Variants in LRBA observed in about 807,000 individuals in gnomAD.
LRBA encodes the protein lipopolysaccharide-responsive and beige-like anchor protein.
In LRBA, 176 loss-of-function variants were observed where a neutral mutation model predicts 330.0. The ratio of observed to expected loss-of-function variants is 0.53; its 90% CI spans 0.47 to 0.60. The LOEUF (loss-of-function observed/expected upper bound fraction) is 0.60, where lower values mean the gene tolerates loss of function less well. Ranked by LOEUF, LRBA falls within the 20% of genes least tolerant of loss-of-function variation. LRBA has a pLI of 0.00. For missense variants in LRBA, 3,259 were observed against 3,444.8 expected (o/e 0.95, Z 1.35); for synonymous variants, 1,230 against 1,193.0 (o/e 1.03, Z -0.64).
chr4:150,496,242 G>A (rs964294162), intron 40 of LRBA, among the ~76,000 whole-genome samples: 2 of 151,848 alleles, frequency 1.3e-5, no homozygotes, highest in Non-Finnish European at 2.9e-5. Flanking sequence ...TCACTTTGTT[G>A]CACTTATTCT....
chr4:150,942,597 G>A (rs1735797311), intron 2 of LRBA, among the ~76,000 whole-genome samples: 1 of 151,832 alleles, frequency 6.6e-6, no homozygotes, highest in Admixed American at 6.6e-5. Context: ...CTATATTCTG[G>A]GTCTTTCACT....
chr4:150,433,948 T>C (rs11099763), intron 46 of LRBA, among the ~76,000 whole-genome samples: 93,182 of 151,914 alleles, frequency 0.61, 31,597 homozygotes, highest in Non-Finnish European at 0.75. Context: ...TAATAAAGTA[T>C]CTTTCACATA....
chr4:150,758,285 C>T (rs1275819303), intron 35 of LRBA, among the ~76,000 whole-genome samples: 1 of 152,152 alleles, frequency 6.6e-6, no homozygotes, highest in Non-Finnish European at 1.5e-5. Flanking sequence ...TAAATGAAGA[C>T]ACTATTTCTA....
At chr4:150,477,634 C>A (rs1756862148) in intron 42 of LRBA, among the ~76,000 whole-genome samples, 4 of 151,956 alleles carry the variant, frequency 2.6e-5, no homozygotes, top group Admixed American at 2.6e-4. Context: ...CAAATTGTAA[C>A]CCCCAGTGTT....
chr4:150,950,237 T>C (rs1736683758), intron 2 of LRBA, among the ~76,000 whole-genome samples: 1 of 152,208 alleles, frequency 6.6e-6, no homozygotes, highest in African/African-American at 2.4e-5. Flanking sequence ...TCTCTCACTA[T>C]GTGACAACCA....
intron 48 of LRBA, among the ~76,000 whole-genome samples, chr4:150,348,670 A>G (rs1736735127): frequency 6.6e-6 from 1 of 152,212 alleles, no homozygotes; most frequent in Non-Finnish European, 1.5e-5. Flanking sequence ...TTACTACAGG[A>G]TAACAGGAGA....
At chr4:151,004,095 G>A (rs1327310327) in intron 2 of LRBA, among the ~76,000 whole-genome samples, 2 of 152,040 alleles carry the variant, frequency 1.3e-5, no homozygotes, top group Non-Finnish European at 2.9e-5. Context: ...ATTTTTGTAT[G>A]GTTTGTTGAT....
At chr4:150,622,611 G>T (rs902548696) in intron 37 of LRBA, among the ~76,000 whole-genome samples, 1 of 151,976 alleles carries the variant, frequency 6.6e-6, no homozygotes, top group Non-Finnish European at 1.5e-5. Context: ...GTACTCTTCC[G>T]GGGGAAAATG....
chr4:151,007,096 C>T (rs1279166310), intron 2 of LRBA, among the ~76,000 whole-genome samples: 1 of 152,178 alleles, frequency 6.6e-6, no homozygotes, highest in Admixed American at 6.5e-5. Context: ...TAAGAATAGA[C>T]ACATAGATAA....
intron 28 of LRBA, 83 bp from the exon 29 acceptor site, chr4:150,832,059 A>C (rs1419810816): frequency 7.7e-6 from 6 of 779,116 alleles, no homozygotes; most frequent in Non-Finnish European, 1.1e-5. Flanking sequence ...TAAATACAAA[A>C]CATGTTCACA....
chr4:150,741,090 T>C (rs1334321873), intron 35 of LRBA, among the ~76,000 whole-genome samples: 1 of 152,046 alleles, frequency 6.6e-6, no homozygotes, highest in Non-Finnish European at 1.5e-5. Flanking sequence ...AGAGAGCATC[T>C]TCCTGACTGG....
At chr4:150,504,857 C>A (rs1319085221) in intron 40 of LRBA, among the ~76,000 whole-genome samples, 1 of 151,946 alleles carries the variant, frequency 6.6e-6, no homozygotes, top group Non-Finnish European at 1.5e-5. Context: ...CACACATAGG[C>A]TCAAAATAAA....
intron 42 of LRBA, among the ~76,000 whole-genome samples, chr4:150,487,209 T>C (rs1031329315): frequency 1.3e-5 from 2 of 151,406 alleles, no homozygotes; most frequent in African/African-American, 2.4e-5. Context: ...TGTACCATTA[T>C]GATATATATC....
rs771701831 is a variant in LRBA, at chr4:150,848,831, C to T, written c.4326G>A (p.Gln1442=). 2.5e-6 allele frequency: 4 copies of T among 1,604,606 alleles called. No homozygotes were observed. The highest frequency in any genetic ancestry group is 3.4e-6 in the Non-Finnish European group (4 of 1,176,294). Residue 1442 remains glutamine (Q), a synonymous_variant, in exon 26 of 57, where the codon CAG becomes CAA. Coordinates refer to ENST00000651943, the MANE Select transcript of LRBA (RefSeq NM_001364905.1). ...TTAGCAGCTCACCTAGTCGGAGACA[C>T]TGCCGCAAAATTCCTCCAGATGACA... ...KSMSSGGILR[Q]CLRLVCAVAV...
At chr4:150,347,655 A>C (rs1040838782) in intron 48 of LRBA, among the ~76,000 whole-genome samples, 2 of 152,218 alleles carry the variant, frequency 1.3e-5, no homozygotes. Flanking sequence ...CAAAAAAAAA[A>C]AAAAAACAAA....
At chr4:150,393,330 A>AAT (rs1744263160) in intron 47 of LRBA, among the ~76,000 whole-genome samples, 2 of 152,072 alleles carry the variant, frequency 1.3e-5, no homozygotes, top group Admixed American at 6.6e-5. Context: ...TATGTGCTAA[A>AAT]ATCTTTTTTT....
chr4:151,005,393 G>A lies in LRBA; in HGVS notation c.216+9034C>T, dbSNP rs1297792534. Among the ~76,000 whole-genome samples, 9 of 112,934 alleles carry A rather than the reference G, an allele frequency of 8.0e-5. No individual in the cohort carries two copies. The East Asian group carries it at 1.5e-3, about 19-fold the overall frequency. 74.1% of individuals were successfully genotyped at this position (112,934 alleles called of 152,430 possible). On this transcript the variant is annotated intron_variant, in intron 2 of 56. Transcript: ENST00000651943. ...GCGGAGGTTGCAGTGAGCCAAGATCGCACTATTGCACTTCAGCCCAGACAA... is the reference window on the plus strand; with the variant it reads ...GCGGAGGTTGCAGTGAGCCAAGATCACACTATTGCACTTCAGCCCAGACAA...
intron 56 of LRBA, among the ~76,000 whole-genome samples, chr4:150,269,484 A>C (rs964542165): frequency 2.0e-5 from 3 of 152,220 alleles, no homozygotes; most frequent in Non-Finnish European, 1.5e-5. Context: ...AAAACTAAAA[A>C]CAGATCAAAA....
At position 150,852,052 on chromosome 4, in the gene LRBA, T is replaced by C. The variant is rs1256170443; in HGVS notation, c.3658A>G (p.Arg1220Gly). Residue 1220 changes from arginine to glycine, a missense_variant, in exon 23 of 57, where the codon AGA becomes GGA. Arg to Gly is a moderately radical substitution (Grantham distance 125). Transcript: ENST00000651943. ...CAATCATTAATTAATTTGGTTTCTC[T>C]AGTGAGGTTAGTTGCTTTCTTCCCT... ...EEGKKATNLT[R>G]ETKLINDCHG... 2 of 1,614,030 alleles carry C rather than the reference T, an allele frequency of 1.2e-6. No homozygotes were observed. The highest frequency in any genetic ancestry group is 2.7e-5 in the African/African-American group (2 of 74,930).
Sources: allele counts gnomAD v4.1 joint callset (sites outside exome capture counted in the v4.1 genomes callset), GRCh38; gene constraint gnomAD v4.1.1; transcripts MANE v1.5; gene names NCBI Gene and HGNC (gene_info 2026-07-23, HGNC 2026-07-21).